Variants in NEGR1 observed in about 807,000 individuals in gnomAD.
The protein encoded by NEGR1 is IgLON family member 4.
In NEGR1, 10 loss-of-function variants were observed where a neutral mutation model predicts 40.9. That is an observed-to-expected ratio of 0.24 (90% CI 0.15 to 0.42). The LOEUF (loss-of-function observed/expected upper bound fraction) is 0.42, where lower values mean the gene tolerates loss of function less well. NEGR1 is among the 10% of genes least tolerant of loss of function. The pLI, the probability that NEGR1 is intolerant of heterozygous loss-of-function variation, is 1.00. For missense variants in NEGR1, 352 were observed against 438.9 expected, an observed-to-expected ratio of 0.80 and a Z score of 1.77; for synonymous variants, 185 against 166.8, an observed-to-expected ratio of 1.11 and a Z score of -0.84.
At chr1:72,254,418 T>G (rs1462038974) in intron 1 of NEGR1, among the ~76,000 whole-genome samples, 1 of 151,928 alleles carries the variant, frequency 6.6e-6, no homozygotes. Context: ...AAAAAGCATA[T>G]TAGGCCAGGC....
At chr1:72,145,947 T>C (rs1650891732) in intron 1 of NEGR1, among the ~76,000 whole-genome samples, 2 of 152,110 alleles carry the variant, frequency 1.3e-5, no homozygotes. Context: ...TACCTTATAG[T>C]TTTTCTTTAA....
At chr1:71,948,016 A>T (rs1200765272) in intron 1 of NEGR1, among the ~76,000 whole-genome samples, 1 of 152,190 alleles carries the variant, frequency 6.6e-6, no homozygotes, top group Non-Finnish European at 1.5e-5. Flanking sequence ...GAGAATTATT[A>T]TAATATAAGT....
chr1:71,876,911 T>G (rs1660448048), intron 2 of NEGR1, among the ~76,000 whole-genome samples: 1 of 152,258 alleles, frequency 6.6e-6, no homozygotes, highest in Non-Finnish European at 1.5e-5. Flanking sequence ...ATTCCCATGC[T>G]ACCTGAATTT....
chr1:71,547,578 G>A (rs1647942418), intron 6 of NEGR1, among the ~76,000 whole-genome samples: 1 of 151,738 alleles, frequency 6.6e-6, no homozygotes. Flanking sequence ...ATTTCGAGAT[G>A]TCAAAAGATT....
intron 1 of NEGR1, among the ~76,000 whole-genome samples, chr1:72,012,295 C>G (rs1646663665): frequency 1.3e-5 from 2 of 151,990 alleles, no homozygotes; most frequent in Non-Finnish European, 1.5e-5. Context: ...TCCCCCATGG[C>G]TAACTAAAGG....
At chr1:71,572,522 C>T (rs1476891036) in intron 6 of NEGR1, among the ~76,000 whole-genome samples, 1 of 152,162 alleles carries the variant, frequency 6.6e-6, no homozygotes, top group Non-Finnish European at 1.5e-5. Flanking sequence ...CAAAGCATCT[C>T]GTGTTGCCAA....
chr1:72,015,703 A>G (rs1646703829), intron 1 of NEGR1, among the ~76,000 whole-genome samples: 1 of 152,088 alleles, frequency 6.6e-6, no homozygotes, highest in Non-Finnish European at 1.5e-5. Context: ...AAATACATAA[A>G]TTAGGTATTT....
intron 1 of NEGR1, among the ~76,000 whole-genome samples, chr1:72,104,441 C>T (rs909190118): frequency 2.0e-5 from 3 of 152,066 alleles, no homozygotes; most frequent in Non-Finnish European, 4.4e-5. Context: ...AGCCAAAAAA[C>T]ATGGAAAGCC....
intron 2 of NEGR1, among the ~76,000 whole-genome samples, chr1:71,806,296 TTACA>T (rs2101755015): frequency 6.6e-6 from 1 of 152,208 alleles, no homozygotes; most frequent in African/African-American, 2.4e-5. Flanking sequence ...ATGTGAATTT[TTACA>T]ATCATCTTAA....
chr1:71,709,807 G>T (rs971214789), intron 3 of NEGR1, among the ~76,000 whole-genome samples: 2 of 152,126 alleles, frequency 1.3e-5, no homozygotes, highest in African/African-American at 4.8e-5. Context: ...ATTGGTCTGG[G>T]CAAACATTTC....
At chr1:72,256,904 T>C (rs1655288023) in intron 1 of NEGR1, among the ~76,000 whole-genome samples, 1 of 152,086 alleles carries the variant, frequency 6.6e-6, no homozygotes, top group African/African-American at 2.4e-5. Flanking sequence ...AATGTGCATA[T>C]AAAATCCATG....
intron 1 of NEGR1, among the ~76,000 whole-genome samples, chr1:71,973,014 A>G (rs1646270844): frequency 6.6e-6 from 1 of 152,176 alleles, no homozygotes; most frequent in Non-Finnish European, 1.5e-5. Context: ...AAAAATTCAG[A>G]AATACCGAAG....
At chr1:72,255,554 T>TTC (rs146322930) in intron 1 of NEGR1, among the ~76,000 whole-genome samples, 19,867 of 148,928 alleles carry the variant, frequency 0.13, 1,606 homozygotes, top group Non-Finnish European at 0.18. Flanking sequence ...CTTCTTTTTT[T>TTC]TTTTTTTTTT....
intron 6 of NEGR1, among the ~76,000 whole-genome samples, chr1:71,513,678 C>T (rs1228705335): frequency 6.6e-6 from 1 of 152,158 alleles, no homozygotes; most frequent in African/African-American, 2.4e-5. Flanking sequence ...AGTTAGGTAG[C>T]CTCCTTAAGA....
At position 71,999,632 on chromosome 1, in the gene NEGR1, A is replaced by AATATATATATATATAT. The variant is rs528857972; in HGVS notation, c.177-64337_177-64322dup. On this transcript the variant is annotated intron_variant, in intron 1 of 6. Transcript: ENST00000357731. ...ATGTATTTGCATCTTGAGCAAAGCA[A>AATATATATATATATAT]ATATATATATATATATATATATATA... 1.2e-3 allele frequency among the ~76,000 whole-genome samples: 56 copies of AATATATATATATATAT among 48,314 alleles called. 1 individual carries two copies. Among genetic ancestry groups the AATATATATATATATAT allele is most frequent in the Non-Finnish European group, 1.6e-3 (40 of 25,014 alleles). The allele number at this position is 48,314 out of a possible 152,430, so 31.7% of individuals were successfully genotyped here.
intron 1 of NEGR1, among the ~76,000 whole-genome samples, chr1:71,941,926 C>T (rs1442211997): frequency 6.6e-6 from 1 of 151,744 alleles, no homozygotes; most frequent in Admixed American, 6.6e-5. Flanking sequence ...AGATGACTTG[C>T]TTATTAACAT....
intron 6 of NEGR1, among the ~76,000 whole-genome samples, chr1:71,576,752 T>C (rs919032739): frequency 1.3e-5 from 2 of 152,250 alleles, no homozygotes; most frequent in Non-Finnish European, 2.9e-5. Flanking sequence ...GTGTAAGTGA[T>C]GTCTACAGAT....
At chr1:72,156,780 G>C (rs140894137) in intron 1 of NEGR1, among the ~76,000 whole-genome samples, 1 of 152,150 alleles carries the variant, frequency 6.6e-6, no homozygotes, top group Non-Finnish European at 1.5e-5. Flanking sequence ...ATTGATAAAT[G>C]TTTTTCTTGT....
chr1:71,403,966 TA>T lies in NEGR1; in HGVS notation c.*3479del. On this transcript the variant is annotated 3_prime_UTR_variant, in exon 7 of 7. Transcript: ENST00000357731. The stretch of plus-strand genomic sequence containing the variant: ...AATAGTTAAAAACCTGACCTCTTTT[TA>T]AATCATTTCTGGATTTCAAAAAACA... 2.8e-6 allele frequency: 1 copy of T among 361,372 alleles called. No homozygotes were observed. Among genetic ancestry groups the T allele is most frequent in the East Asian group, 3.8e-5 (1 of 26,570 alleles). 22.4% of individuals were successfully genotyped at this position (361,372 alleles called of 1,614,324 possible).
Sources: allele counts gnomAD v4.1 joint callset (sites outside exome capture counted in the v4.1 genomes callset), GRCh38; gene constraint gnomAD v4.1.1; transcripts MANE v1.5; gene names NCBI Gene and HGNC (gene_info 2026-07-23, HGNC 2026-07-21).